Variants in METTL16 observed in about 807,000 individuals in gnomAD.
METTL16 encodes the protein RNA N(6)-adenosine-methyltransferase METTL16.
In METTL16, 19 loss-of-function variants were observed where a neutral mutation model predicts 57.9. The observed-to-expected ratio is 0.33, with a 90% CI of 0.23 to 0.48. METTL16 has a LOEUF of 0.48. Among genes scored for constraint, METTL16 ranks in the 20% least tolerant of loss-of-function variants. The pLI is 0.99. For synonymous variants in METTL16, 246 were observed against 255.6 expected (o/e 0.96, Z 0.36); for missense variants, 434 against 691.5 (o/e 0.63, Z 4.18).
intron 6 of METTL16, 34 bp from the exon 7 acceptor site, chr17:2,441,593 T>C: frequency 7.0e-7 from 1 of 1,431,644 alleles, no homozygotes; most frequent in South Asian, 1.3e-5. Context: ...GTAAATACGG[T>C]TTATGTGGTT....
intron 1 of METTL16, among the ~76,000 whole-genome samples, chr17:2,506,009 C>G (rs192256556): frequency 6.6e-6 from 1 of 151,996 alleles, no homozygotes; most frequent in African/African-American, 2.4e-5. Flanking sequence ...CCCTCTGTCA[C>G]CAGGCTGGAG....
At chr17:2,430,906 T>C (rs1027973597) in intron 8 of METTL16, among the ~76,000 whole-genome samples, 1 of 151,960 alleles carries the variant, frequency 6.6e-6, no homozygotes, top group Non-Finnish European at 1.5e-5. Flanking sequence ...TTTGCAGGCT[T>C]CAGTATCTGA....
chr17:2,420,353 G>C lies in METTL16; in HGVS notation c.1306C>G (p.Leu436Val). ...ACAGCGGCAGCCTCGCCTTCCCGCA[G>C]AGCAGGCCCACAGGGGGTCCTCTCC... Reference protein sequence around the residue: ...PQERTPCGPALREGEAAAVEG... With the variant: ...PQERTPCGPAVREGEAAAVEG... Residue 436 changes from leucine to valine, a missense_variant, in exon 10 of 10, where the codon CTG (leucine) becomes GTG (valine). Coordinates refer to ENST00000263092, the MANE Select transcript of METTL16 (RefSeq NM_024086.4). This position sits in a 1 kb window ranked among gnomAD's most constrained non-coding sequence, Gnocchi z 5.4. 6.2e-7 allele frequency: 1 copy of C among 1,611,958 alleles called. No homozygotes were observed. The highest frequency in any genetic ancestry group is 8.5e-7 in the Non-Finnish European group (1 of 1,180,012).
intron 8 of METTL16, among the ~76,000 whole-genome samples, chr17:2,423,304 T>TGTGTGTGTGTGTG (rs1597435184): frequency 1.1e-5 from 1 of 89,102 alleles, no homozygotes; most frequent in African/African-American, 3.3e-5. Flanking sequence ...GTGTGTGTGT[T>TGTGTGTGTGTGTG]TGAAGAACCT....
intron 2 of METTL16, among the ~76,000 whole-genome samples, chr17:2,498,536 T>C (rs949143390): frequency 1.3e-5 from 2 of 151,340 alleles, no homozygotes; most frequent in African/African-American, 4.9e-5. Context: ...TCAGGAGTTC[T>C]GAGACCAGCC....
intron 2 of METTL16, among the ~76,000 whole-genome samples, chr17:2,485,127 C>T (rs578153707): frequency 1.3e-5 from 2 of 152,148 alleles, no homozygotes; most frequent in Non-Finnish European, 2.9e-5. Context: ...ACTGCCTCAG[C>T]TCCGCCTCCT....
Position 2,417,085 on chromosome 17 carries a change from T to TTTTTTTTTTTTTTTTTTTA in METTL16, c.*2884_*2885insTAAAAAAAAAAAAAAAAAA, listed in dbSNP as rs869134753. 1.0e-4 allele frequency: 14 copies of TTTTTTTTTTTTTTTTTTTA among 138,432 alleles called. 2 individuals are homozygous for TTTTTTTTTTTTTTTTTTTA. Among genetic ancestry groups the TTTTTTTTTTTTTTTTTTTA allele is most frequent in the African/African-American group, 4.0e-4 (14 of 35,042 alleles). 8.6% of individuals were successfully genotyped at this position (138,432 alleles called of 1,614,324 possible). ...TTTTTTTTTTTTTTTTTTTTTTTTT[T>TTTTTTTTTTTTTTTTTTTA]GAGACAGTCCCACTTTGTCGCCCAG... On this transcript the variant is annotated 3_prime_UTR_variant, in exon 10 of 10. Transcript: ENST00000263092.
chr17:2,501,040 T>C (rs1257996878), intron 2 of METTL16, among the ~76,000 whole-genome samples: 1 of 151,898 alleles, frequency 6.6e-6, no homozygotes, highest in Middle Eastern at 3.2e-3. Flanking sequence ...TTGCTTGAAC[T>C]CAGGAGGCAG....
At chr17:2,482,241 G>A (rs1050729339) in intron 2 of METTL16, among the ~76,000 whole-genome samples, 4 of 152,100 alleles carry the variant, frequency 2.6e-5, no homozygotes, top group East Asian at 1.9e-4. Flanking sequence ...GAAACCATAC[G>A]TAACAAAATC....
At chr17:2,465,340 G>A in intron 5 of METTL16, among the ~76,000 whole-genome samples, 1 of 151,382 alleles carries the variant, frequency 6.6e-6, no homozygotes, top group South Asian at 2.1e-4. Context: ...TCAGGAGATT[G>A]AGACCATCCT....
rs187192648 is a variant in METTL16 at position 2,510,184 on chromosome 17, T to C, written c.-1+1575A>G. Among the ~76,000 whole-genome samples the C allele has an allele frequency of 7.2e-5, 11 of 152,304 alleles. No individual in the cohort carries two copies. In the East Asian group the frequency reaches 1.9e-3, roughly 27 times the overall value. On this transcript the variant is annotated intron_variant, in intron 1 of 9. Coordinates refer to ENST00000263092, the MANE Select transcript of METTL16 (RefSeq NM_024086.4). ...TGATGGAAAATATTTTCCCAATTTATGGGGGACATGTGACATTTATGCGGT... is the reference window on the plus strand; with the variant it reads ...TGATGGAAAATATTTTCCCAATTTACGGGGGACATGTGACATTTATGCGGT...
At chr17:2,423,261 G>GGTGTGTGTGTGTGTGTGTGTGTGT (rs58486923) in intron 8 of METTL16, among the ~76,000 whole-genome samples, 1 of 143,602 alleles carries the variant, frequency 7.0e-6, no homozygotes, top group East Asian at 2.1e-4. Flanking sequence ...AAAAACAAAG[G>GGTGTGTGTGTGTGTGTGTGTGTGT]GTGTGTGTGT....
intron 2 of METTL16, among the ~76,000 whole-genome samples, chr17:2,500,270 TTTTTTTC>T (rs1555621862): frequency 1.3e-5 from 2 of 151,610 alleles, no homozygotes; most frequent in South Asian, 4.1e-4. Context: ...CCTAATCTTC[TTTTTTTC>T]TTTTTTCTTT....
intron 7 of METTL16, among the ~76,000 whole-genome samples, chr17:2,440,693 G>A (rs2066943201): frequency 1.3e-5 from 2 of 151,934 alleles, no homozygotes; most frequent in Non-Finnish European, 2.9e-5. Flanking sequence ...TCATTAGGTG[G>A]GGTGCAATGG....
At chr17:2,459,427 G>A (rs1404799672) in intron 6 of METTL16, among the ~76,000 whole-genome samples, 7 of 152,176 alleles carry the variant, frequency 4.6e-5, no homozygotes, top group Non-Finnish European at 7.4e-5. Flanking sequence ...ACAGAGGTGA[G>A]ACATGAACCT....
chr17:2,474,732 C>A (rs2067258415), intron 3 of METTL16, among the ~76,000 whole-genome samples: 1 of 152,200 alleles, frequency 6.6e-6, no homozygotes, highest in South Asian at 2.1e-4. Flanking sequence ...TCGAGGCCTG[C>A]CTGGCCAACA....
intron 6 of METTL16, among the ~76,000 whole-genome samples, chr17:2,450,599 T>C (rs2067061503): frequency 2.0e-5 from 3 of 152,174 alleles, no homozygotes; most frequent in Non-Finnish European, 4.4e-5. Context: ...ATAAATGGGA[T>C]TATCTTATAC....
At position 2,420,327 on chromosome 17, in the gene METTL16, C is replaced by T. The variant is rs1312174453; in HGVS notation, c.1332G>A (p.Val444=). ...PALREGEAAA[V]EGPCPSQESL... ...ACTCCTGGCTCGGGCACGGGCCCTC[C>T]ACAGCGGCAGCCTCGCCTTCCCGCA... The change falls in exon 10 of 10, where the codon GTG becomes GTA. Residue 444 remains valine, a synonymous_variant. Coordinates refer to ENST00000263092, the MANE Select transcript of METTL16 (RefSeq NM_024086.4). The surrounding 1 kb of genome is among the most constrained non-coding windows in gnomAD (Gnocchi z 5.4). 6.2e-7 allele frequency: 1 copy of T among 1,611,980 alleles called. No homozygotes were observed.
chr17:2,484,444 A>G (rs1341369384), intron 2 of METTL16, among the ~76,000 whole-genome samples: 1 of 152,072 alleles, frequency 6.6e-6, no homozygotes, highest in Non-Finnish European at 1.5e-5. Context: ...TTTTAGTAGC[A>G]CTATGCCAGA....
Sources: allele counts gnomAD v4.1 joint callset (sites outside exome capture counted in the v4.1 genomes callset), GRCh38; gene constraint gnomAD v4.1.1; non-coding constraint Gnocchi (gnomAD v3.1); transcripts MANE v1.5; gene names NCBI Gene and HGNC (gene_info 2026-07-23, HGNC 2026-07-21).